SERPINA4: variants seen among roughly 807,000 people sequenced by gnomAD.
SERPINA4 encodes serpin family A member 4.
A neutral mutation model predicts 25.4 loss-of-function variants in SERPINA4; 24 were observed. The observed-to-expected ratio is 0.95, with a 90% CI of 0.69 to 1.33. SERPINA4 has a LOEUF of 1.33. SERPINA4 is among the 40% of genes most tolerant of loss of function. SERPINA4 has a pLI of 0.00. For missense variants in SERPINA4, 553 were observed against 535.8 expected (o/e 1.03, Z -0.32); for synonymous variants, 242 against 223.6 (o/e 1.08, Z -0.73).
chr14:94,569,602 C>T lies in SERPINA4; in HGVS notation c.*7C>T, dbSNP rs1341780172. On this transcript the variant is annotated 3_prime_UTR_variant, in exon 5 of 5. Transcript: ENST00000557004. ...CGACCCCACGAAACCATAGCCCTCC[C>T]AGGGCTGCTCATCTGTTCCAAGCAG... 6.2e-7 allele frequency: 1 copy of T among 1,613,442 alleles called. No homozygotes were observed. The highest frequency in any genetic ancestry group is 1.1e-5 in the South Asian group (1 of 91,050).
rs1174905089 is a variant in SERPINA4, at chr14:94,569,401, C to T, written c.1090C>T (p.His364Tyr). Reference sequence around the variant, plus strand: ...CTTGTGATTTTCCTCCCAGAGTTTCCACAAGGCCACCTTGGACGTGGATGA... The same window carrying T: ...CTTGTGATTTTCCTCCCAGAGTTTCTACAAGGCCACCTTGGACGTGGATGA... The part of the protein sequence containing the change: ...QQKLEASKSF[H>Y]KATLDVDEAG... Residue 364 changes from histidine to tyrosine, a missense_variant, in exon 5 of 5, where the codon CAC becomes TAC. Transcript: ENST00000557004. 3 of 1,613,594 alleles carry T rather than the reference C, an allele frequency of 1.9e-6. No homozygotes were observed. Among genetic ancestry groups the T allele is most frequent in the Non-Finnish European group, 2.5e-6 (3 of 1,180,006 alleles).
chr14:94,566,150 T>C (rs1254083778), intron 2 of SERPINA4, among the ~76,000 whole-genome samples: 1 of 152,190 alleles, frequency 6.6e-6, no homozygotes, highest in Non-Finnish European at 1.5e-5. Flanking sequence ...CTTAACTTCC[T>C]TGGTTTTCCC....
intron 1 of SERPINA4, chr14:94,561,886 C>T: frequency 7.8e-7 from 1 of 1,288,362 alleles, no homozygotes; most frequent in Non-Finnish European, 1.0e-6. Flanking sequence ...CTAAATGATC[C>T]CTCCAACTGC....
At chr14:94,566,676 C>A (rs1374368870) in intron 2 of SERPINA4, among the ~76,000 whole-genome samples, 1 of 152,192 alleles carries the variant, frequency 6.6e-6, no homozygotes, top group Non-Finnish European at 1.5e-5. Flanking sequence ...GCTCACCTAA[C>A]AATGAAACTC....
In SERPINA4 at chr14:94,567,359, C is replaced by G. The variant is rs1902254283; in HGVS notation, c.923+116C>G. 3.2e-5 allele frequency: 37 copies of G among 1,165,078 alleles called. No individual in the cohort carries two copies. The South Asian group carries it at 5.4e-4, about 17-fold the overall frequency. The allele number at this position is 1,165,078 out of a possible 1,614,324, so 72.2% of individuals were successfully genotyped here. The stretch of plus-strand genomic sequence containing the variant: ...ACACCAAATTATGAGAGAATTCTCA[C>G]TTGCTCTGAGAACTTCCATGGGCTT... On this transcript the variant is annotated intron_variant, in intron 3 of 4. Transcript: ENST00000557004.
chr14:94,564,018 T>A lies in SERPINA4; in HGVS notation c.536T>A (p.Ile179Asn). The A allele has an allele frequency of 6.2e-7, 1 of 1,613,640 alleles. No homozygotes were observed. The highest frequency in any genetic ancestry group is 8.5e-7 in the Non-Finnish European group (1 of 1,180,026). Reference protein sequence around the residue: ...HTNFYDTVGTIQLINDHVKKE... With the variant: ...HTNFYDTVGTNQLINDHVKKE... ...AACTTCTACGACACTGTGGGCACAA[T>A]CCAGCTTATCAACGACCACGTCAAG... Residue 179 changes from isoleucine to asparagine, a missense_variant, in exon 2 of 5, where the codon ATC (isoleucine) becomes AAC (asparagine). By Grantham distance (149) the Ile-to-Asn change is moderately radical. Transcript: ENST00000557004.
chr14:94,561,551 T>A, intron 1 of SERPINA4, 57 bp downstream of exon 1: 3 of 797,376 alleles, frequency 3.8e-6, no homozygotes, highest in Non-Finnish European at 3.5e-6. Context: ...GGTGACCAAC[T>A]GTTCCACTTT....
chr14:94,565,708 A>T (rs928037083), intron 2 of SERPINA4, among the ~76,000 whole-genome samples: 1 of 136,060 alleles, frequency 7.3e-6, no homozygotes, highest in Admixed American at 7.3e-5. Flanking sequence ...AAAAAAAAAA[A>T]TTAGCCAGGC....
At chr14:94,568,077 G>A in intron 3 of SERPINA4, 52 bp from the exon 4 acceptor site, 2 of 1,596,656 alleles carry the variant, frequency 1.3e-6, no homozygotes, top group Non-Finnish European at 8.6e-7. Flanking sequence ...CTGCCCAGCA[G>A]GGATCCTGGC....
intron 2 of SERPINA4, among the ~76,000 whole-genome samples, chr14:94,566,683 ACT>A (rs1034617743): frequency 3.3e-5 from 5 of 151,658 alleles, no homozygotes; most frequent in Admixed American, 3.3e-4. Context: ...TAACAATGAA[ACT>A]CTCTTTCCAG....
intron 2 of SERPINA4, among the ~76,000 whole-genome samples, chr14:94,565,773 G>A (rs1038035490): frequency 2.8e-4 from 42 of 151,896 alleles, no homozygotes; most frequent in African/African-American, 9.7e-4. Context: ...CAGGAGAATC[G>A]CTTGAACCCA....
At chr14:94,568,378 A>G in intron 4 of SERPINA4, 90 bp downstream of exon 4, 3 of 1,380,612 alleles carry the variant, frequency 2.2e-6, no homozygotes, top group East Asian at 4.7e-5. Flanking sequence ...AAGCTGCCAC[A>G]TGGAGTCTCA....
At chr14:94,566,198 G>A (rs1322493981) in intron 2 of SERPINA4, among the ~76,000 whole-genome samples, 2 of 152,116 alleles carry the variant, frequency 1.3e-5, no homozygotes, top group African/African-American at 4.8e-5. Context: ...CTGCAAACCT[G>A]CTTAAACCTA....
rs1354505825 is a variant in SERPINA4, at chr14:94,564,046, G to A, written c.564G>A (p.Lys188=). The A allele has an allele frequency of 6.2e-7, 1 of 1,610,880 alleles. No individual in the cohort carries two copies. Among genetic ancestry groups the A allele is most frequent in the African/African-American group, 1.3e-5 (1 of 74,918 alleles). Residue 188 remains lysine, a synonymous_variant, in exon 2 of 5, where the codon AAG becomes AAA. Transcript: ENST00000557004. ...TIQLINDHVK[K]ETRGKIVDLV... is the part of the protein sequence containing the mutation. ...AGCTTATCAACGACCACGTCAAGAA[G>A]GAAACTCGAGGGAAGATTGTGGATT...
chr14:94,563,475 T>A lies in SERPINA4; in HGVS notation c.-8T>A. The A allele has an allele frequency of 1.2e-6, 2 of 1,606,884 alleles. No individual in the cohort carries two copies. The highest frequency in any genetic ancestry group is 2.2e-5 in the South Asian group (2 of 90,520). On this transcript the variant is annotated 5_prime_UTR_variant, in exon 2 of 5. Coordinates refer to ENST00000557004, the MANE Select transcript of SERPINA4 (RefSeq NM_006215.4). ...CTCTTCCCTCCCATAGGCCTGAGAGTGCAGAGGATGCATCTTATCGACTAC... is the reference window on the plus strand; with the variant it reads ...CTCTTCCCTCCCATAGGCCTGAGAGAGCAGAGGATGCATCTTATCGACTAC...
Position 94,569,393 on chromosome 14 carries a change from A to G in SERPINA4, c.1084-2A>G. 1 of 1,613,234 alleles carries G rather than the reference A, an allele frequency of 6.2e-7. No individual in the cohort carries two copies. Among genetic ancestry groups the G allele is most frequent in the Non-Finnish European group, 8.5e-7 (1 of 1,179,958 alleles). On this transcript the variant is annotated splice_acceptor_variant, in intron 4 of 4. Coordinates refer to ENST00000557004, the MANE Select transcript of SERPINA4 (RefSeq NM_006215.4). LOFTEE classifies it high-confidence loss of function. ...AGATAATGCTTGTGATTTTCCTCCC[A>G]GAGTTTCCACAAGGCCACCTTGGAC...
At chr14:94,569,338 T>C (rs1902318695) in intron 4 of SERPINA4, 57 bp from the exon 5 acceptor site, 1 of 1,543,424 alleles carries the variant, frequency 6.5e-7, no homozygotes. Flanking sequence ...TCTCGCAGTC[T>C]TGTCCAGGCC....
chr14:94,567,271 C>A (rs1188496344), intron 3 of SERPINA4, 28 bp downstream of exon 3: 1 of 1,594,748 alleles, frequency 6.3e-7, no homozygotes, highest in Admixed American at 1.7e-5. Flanking sequence ...GGGGCTGAAT[C>A]TACAGTACTA....
In SERPINA4 at chr14:94,567,130, C is replaced by T. The variant is rs774349206; in HGVS notation, c.810C>T (p.Tyr270=). The change falls in exon 3 of 5, where the codon TAC becomes TAT. Residue 270 remains tyrosine (Y), a synonymous_variant. Transcript: ENST00000557004. Reference sequence around the variant, plus strand: ...CCTGCTCGGTGCTACGGATGGATTACAAAGGAGACGCAACCGTGTTTTTCA... The same window carrying T: ...CCTGCTCGGTGCTACGGATGGATTATAAAGGAGACGCAACCGTGTTTTTCA... ...YLPCSVLRMD[Y]KGDATVFFIL... 2 of 1,614,148 alleles carry T rather than the reference C, an allele frequency of 1.2e-6. No individual in the cohort carries two copies. Among genetic ancestry groups the T allele is most frequent in the Non-Finnish European group, 1.7e-6 (2 of 1,180,040 alleles).
Sources: gnomAD v4.1 joint callset for allele counts (sites outside exome capture counted in the v4.1 genomes callset) on GRCh38, gnomAD v4.1.1 for gene constraint, MANE v1.5 for transcripts, NCBI Gene and HGNC (gene_info 2026-07-23, HGNC 2026-07-21) for gene names.